The following KIAA1549L variants were observed in gnomAD, a reference collection of about 807,000 sequenced individuals.
KIAA1549L encodes KIAA1549 like.
In KIAA1549L, 88 loss-of-function variants were observed where a neutral mutation model predicts 160.7. The observed-to-expected ratio is 0.55, with a 90% CI of 0.46 to 0.65. KIAA1549L has a LOEUF of 0.65. KIAA1549L is among the 30% of genes least tolerant of loss of function. The pLI is 0.00. For synonymous variants in KIAA1549L, 950 were observed against 976.7 expected, an observed-to-expected ratio of 0.97 and a Z score of 0.51; for missense variants, 2,258 against 2,437.5, an observed-to-expected ratio of 0.93 and a Z score of 1.55.
chr11:33,518,442 A>G (rs1391269394), intron 1 of KIAA1549L, among the ~76,000 whole-genome samples: 1 of 152,164 alleles, frequency 6.6e-6, no homozygotes, highest in Non-Finnish European at 1.5e-5. Flanking sequence ...ATCCTGTACT[A>G]TACATTAACT....
chr11:33,605,024 T>C (rs1001089642), intron 13 of KIAA1549L, among the ~76,000 whole-genome samples: 4 of 152,188 alleles, frequency 2.6e-5, no homozygotes, highest in Admixed American at 2.0e-4. Context: ...TCATGGCTCT[T>C]GACAGGGGGC....
At chr11:33,428,726 G>A (rs1851170604) in intron 1 of KIAA1549L, among the ~76,000 whole-genome samples, 1 of 152,186 alleles carries the variant, frequency 6.6e-6, no homozygotes, top group South Asian at 2.1e-4. Context: ...TTGGTTCCAA[G>A]TCTTTGCTAT....
chr11:33,580,571 CAAAA>C (rs368467299), intron 10 of KIAA1549L, among the ~76,000 whole-genome samples: 5 of 52,536 alleles, frequency 9.5e-5, no homozygotes, highest in African/African-American at 2.2e-4. Context: ...GATTCTGCCT[CAAAA>C]AAAAAAAAAA....
At chr11:33,530,429 AAAAAAAAATATATATATATATATAT>A (rs1197902128) in intron 1 of KIAA1549L, among the ~76,000 whole-genome samples, 222 of 19,134 alleles carry the variant, frequency 0.012, 24 homozygotes, top group African/African-American at 0.03. Context: ...AAAAAAAAAA[AAAAAAAAATATATATATATATATAT>A]ATATATATAT....
chr11:33,441,383 G>T (rs2132946665), intron 1 of KIAA1549L, among the ~76,000 whole-genome samples: 1 of 151,966 alleles, frequency 6.6e-6, no homozygotes, highest in Admixed American at 6.6e-5. Flanking sequence ...ATAAACATAT[G>T]TGTGCATGTG....
At chr11:33,566,821 G>A (rs562647965) in intron 8 of KIAA1549L, among the ~76,000 whole-genome samples, 1 of 152,342 alleles carries the variant, frequency 6.6e-6, no homozygotes, top group African/African-American at 2.4e-5. Context: ...GGATGATATC[G>A]ATGATCCTTG....
At chr11:33,621,826 C>T (rs1405763104) in intron 16 of KIAA1549L, among the ~76,000 whole-genome samples, 1 of 152,136 alleles carries the variant, frequency 6.6e-6, no homozygotes, top group Non-Finnish European at 1.5e-5. Context: ...TGCACCTCTT[C>T]AACATTGATC....
intron 1 of KIAA1549L, among the ~76,000 whole-genome samples, chr11:33,446,995 GCTGT>G (rs770637583): frequency 1.2e-4 from 18 of 152,158 alleles, no homozygotes; most frequent in Non-Finnish European, 2.5e-4. Flanking sequence ...TATTTTGGAG[GCTGT>G]CTATCACAGT....
chr11:33,487,524 T>C (rs1852557651), intron 1 of KIAA1549L, among the ~76,000 whole-genome samples: 1 of 151,940 alleles, frequency 6.6e-6, no homozygotes, highest in South Asian at 2.1e-4. Context: ...TGAGATGTTC[T>C]AGCAAAGTTC....
intron 1 of KIAA1549L, among the ~76,000 whole-genome samples, chr11:33,399,342 T>A (rs528891761): frequency 1.2e-4 from 19 of 152,288 alleles, no homozygotes; most frequent in African/African-American, 3.4e-4. Context: ...TTTTGCTGGT[T>A]TATTGCCAGG....
intron 1 of KIAA1549L, among the ~76,000 whole-genome samples, chr11:33,415,128 C>G (rs1850863293): frequency 6.6e-6 from 1 of 151,834 alleles, no homozygotes; most frequent in Admixed American, 6.6e-5. Context: ...GTCTACCTTT[C>G]CCTGCTTCTT....
Position 33,645,756 on chromosome 11 carries a change from G to C in KIAA1549L, c.5480G>C (p.Arg1827Pro), listed in dbSNP as rs773243063. Residue 1827 changes from arginine (R) to proline (P), a missense_variant, in exon 17 of 21, where the codon CGA (arginine) becomes CCA (proline). Arg to Pro is a moderately radical substitution (Grantham distance 103, BLOSUM62 -2). Transcript: ENST00000658780. ...VPEPRGYSRS[R>P]QVKGHSETST... The stretch of plus-strand genomic sequence containing the variant: ...GAGCCCCGGGGCTATTCCAGGTCTC[G>C]ACAGGTGAAAGGCCACTCGGAGACC... The C allele has an allele frequency of 6.2e-7, 1 of 1,613,944 alleles. No individual in the cohort carries two copies. Among genetic ancestry groups the C allele is most frequent in the East Asian group, 2.2e-5 (1 of 44,886 alleles).
Position 33,543,727 on chromosome 11 carries a change from T to G in KIAA1549L, c.2164T>G (p.Tyr722Asp). Reference sequence around the variant, plus strand: ...ATCTGGCTTGCAGCAGCAAACAAATTATGATTTAAATGGACACACAATTAG... The same window carrying G: ...ATCTGGCTTGCAGCAGCAAACAAATGATGATTTAAATGGACACACAATTAG... The part of the protein sequence containing the change: ...IISGLQQQTN[Y>D]DLNGHTISTT... Residue 722 changes from tyrosine to aspartate, a missense_variant, in exon 2 of 21, where the codon TAT (tyrosine) becomes GAT (aspartate). Transcript: ENST00000658780. The G allele has an allele frequency of 3.7e-6, 6 of 1,614,038 alleles. No homozygotes were observed. The highest frequency in any genetic ancestry group is 5.1e-6 in the Non-Finnish European group (6 of 1,179,890).
intron 1 of KIAA1549L, among the ~76,000 whole-genome samples, chr11:33,515,841 A>G (rs1050751893): frequency 2.6e-5 from 4 of 152,162 alleles, no homozygotes; most frequent in Non-Finnish European, 5.9e-5. Context: ...TAGCAAGAAC[A>G]CTATTAGAGG....
intron 1 of KIAA1549L, among the ~76,000 whole-genome samples, chr11:33,443,291 T>C (rs1851546387): frequency 6.6e-6 from 1 of 152,110 alleles, no homozygotes; most frequent in Admixed American, 6.5e-5. Flanking sequence ...TGAGCCACCA[T>C]GCTTGGCCCA....
chr11:33,540,738 C>A (rs1031329232), intron 1 of KIAA1549L, among the ~76,000 whole-genome samples: 3 of 152,088 alleles, frequency 2.0e-5, no homozygotes, highest in African/African-American at 7.2e-5. Flanking sequence ...TTGAGGTGGG[C>A]CAGTGGAGGC....
intron 11 of KIAA1549L, among the ~76,000 whole-genome samples, chr11:33,590,640 T>A (rs2133285887): frequency 6.6e-6 from 1 of 152,378 alleles, no homozygotes; most frequent in South Asian, 2.1e-4. Flanking sequence ...ATTTCATTAT[T>A]AATGATTGTA....
At chr11:33,428,094 G>A (rs527859482) in intron 1 of KIAA1549L, among the ~76,000 whole-genome samples, 4 of 152,162 alleles carry the variant, frequency 2.6e-5, no homozygotes, top group Non-Finnish European at 5.9e-5. Context: ...ACAAGTTTTT[G>A]TGTGGACATA....
chr11:33,549,056 T>C (rs1461951968), intron 4 of KIAA1549L, among the ~76,000 whole-genome samples: 1 of 152,278 alleles, frequency 6.6e-6, no homozygotes, highest in Non-Finnish European at 1.5e-5. Flanking sequence ...AATTGCCTGA[T>C]ACAATTTTCA....
Sources: gnomAD v4.1 joint callset for allele counts (sites outside exome capture counted in the v4.1 genomes callset) on GRCh38, gnomAD v4.1.1 for gene constraint, MANE v1.5 for transcripts, NCBI Gene and HGNC (gene_info 2026-07-23, HGNC 2026-07-21) for gene names.